Variants in FDPS observed in about 807,000 individuals in gnomAD.
FDPS encodes farnesyl diphosphate synthase, also known as farnesyl pyrophosphate synthase.
In FDPS, 29 loss-of-function variants were observed where a neutral mutation model predicts 49.5. The observed-to-expected ratio is 0.59, with a 90% CI of 0.44 to 0.80. The LOEUF is 0.80. Ranked by LOEUF, FDPS falls within the 30% of genes least tolerant of loss-of-function variation. FDPS has a pLI of 0.00. For synonymous variants in FDPS, 172 were observed against 206.4 expected (o/e 0.83, Z 1.43); for missense variants, 414 against 525.6 (o/e 0.79, Z 2.08).
Position 155,319,568 on chromosome 1 carries a change from G to A in FDPS, c.847-43G>A, listed in dbSNP as rs372249216. 57 of 1,604,244 alleles carry A rather than the reference G, an allele frequency of 3.6e-5. 1 individual carries two copies. Among genetic ancestry groups the A allele is most frequent in the East Asian group, 2.9e-4 (13 of 44,834 alleles). On this transcript the variant is annotated intron_variant, in intron 8 of 10. Transcript: ENST00000368356. ...GGGAGGAAGCAGCCAGGAAGATGCC[G>A]GCACCCCTGGGGTTTGGCTTATTAA...
Position 155,309,844 on chromosome 1 carries a change from T to C in FDPS, c.55T>C (p.Tyr19His), listed in dbSNP as rs1648593992. The change falls in exon 2 of 11, where the codon TAC (tyrosine) becomes CAC (histidine). Residue 19 changes from tyrosine to histidine, a missense_variant. Physicochemically the swap from Tyr to His is moderately conservative, Grantham distance 83 (BLOSUM62 2). Transcript: ENST00000368356. ...GGGGGTCTTCCTGCTGCCAGCCCCC[T>C]ACTGGGCACCCCGGGAGAGGTGGCT... is the stretch of plus-strand genomic sequence containing the variant. ...SVGVFLLPAP[Y>H]WAPRERWLGS... is the part of the protein sequence containing the mutation. The C allele has an allele frequency of 1.3e-6, 2 of 1,583,994 alleles. No homozygotes were observed. The highest frequency in any genetic ancestry group is 1.8e-5 in the Admixed American group (1 of 56,092).
At chr1:155,315,507 G>A (rs1274829603) in intron 4 of FDPS, among the ~76,000 whole-genome samples, 3 of 151,994 alleles carry the variant, frequency 2.0e-5, no homozygotes, top group Admixed American at 2.0e-4. Context: ...GTGAAACCCC[G>A]TCTCTACTAA....
chr1:155,318,337 C>A lies in FDPS; in HGVS notation c.684+46C>A. ...GATGCCCAGAGGGTGCCCATGGTAGCCTTGGCCTCTATAGGACATGCTCAT... is the reference window on the plus strand; with the variant it reads ...GATGCCCAGAGGGTGCCCATGGTAGACTTGGCCTCTATAGGACATGCTCAT... On this transcript the variant is annotated intron_variant, in intron 6 of 10. Coordinates refer to ENST00000368356, the MANE Select transcript of FDPS (RefSeq NM_002004.4). This position sits in a 1 kb window ranked among gnomAD's most constrained non-coding sequence, Gnocchi z 4.2. 1 of 1,602,850 alleles carries A rather than the reference C, an allele frequency of 6.2e-7. No homozygotes were observed. Among genetic ancestry groups the A allele is most frequent in the Non-Finnish European group, 8.5e-7 (1 of 1,179,360 alleles).
At chr1:155,317,376 T>C (rs1400384117) in intron 4 of FDPS, 1 of 152,992 alleles carries the variant, frequency 6.5e-6, no homozygotes, top group East Asian at 1.9e-4. Flanking sequence ...TCATTAGAGA[T>C]GTCAAAGATC....
Position 155,312,581 on chromosome 1 carries a change from T to C in FDPS, c.480+186T>C, listed in dbSNP as rs534532668. On this transcript the variant is annotated intron_variant, in intron 4 of 10. Coordinates refer to ENST00000368356, the MANE Select transcript of FDPS (RefSeq NM_002004.4). ...CTAATGTGGGGAGCCTCTTTTGGCA[T>C]TAGGTATGAAGATGGCTGTAGATAG... 231 of 627,900 alleles carry C rather than the reference T, an allele frequency of 3.7e-4. 2 individuals are homozygous for C. The South Asian group carries it at 4.2e-3, about 11-fold the overall frequency. The allele number at this position is 627,900 out of a possible 1,614,324, so 38.9% of individuals were successfully genotyped here.
intron 4 of FDPS, among the ~76,000 whole-genome samples, chr1:155,315,879 A>C (rs866273723): frequency 6.7e-6 from 1 of 149,222 alleles, no homozygotes; most frequent in South Asian, 2.1e-4. Context: ...AAAAAAAAAA[A>C]ACACACAAAC....
chr1:155,310,175 G>A lies in FDPS; in HGVS notation c.309G>A (p.Glu103=). ...VLTEDEMGHP[E]IGDAIARLKE... Reference sequence around the variant, plus strand: ...CTGAGGATGAGATGGGGCACCCAGAGATAGGAGATGCTATTGCCCGGCTCA... The same window carrying A: ...CTGAGGATGAGATGGGGCACCCAGAAATAGGAGATGCTATTGCCCGGCTCA... Residue 103 remains glutamate (E), a synonymous_variant, in exon 3 of 11, where the codon GAG becomes GAA. Transcript: ENST00000368356. 1 of 1,613,956 alleles carries A rather than the reference G, an allele frequency of 6.2e-7. No homozygotes were observed. The highest frequency in any genetic ancestry group is 8.5e-7 in the Non-Finnish European group (1 of 1,179,870).
chr1:155,320,599 G>C lies in FDPS; in HGVS notation c.1250G>C (p.Arg417Pro), dbSNP rs1440946915. The change falls in exon 11 of 11, where the codon CGG (arginine) becomes CCG (proline). Residue 417 changes from arginine to proline, a missense_variant. Physicochemically the swap from Arg to Pro is moderately radical, Grantham distance 103. Coordinates refer to ENST00000368356, the MANE Select transcript of FDPS (RefSeq NM_002004.4). ...FLGLARKIYK[R>P]RK is the part of the protein sequence containing the mutation. ...GGGCTTGCGCGCAAAATCTACAAGC[G>C]GAGAAAGTGACCTAGAGATTGCAAG... 1 of 1,614,166 alleles carries C rather than the reference G, an allele frequency of 6.2e-7. No homozygotes were observed. Among genetic ancestry groups the C allele is most frequent in the Admixed American group, 1.7e-5 (1 of 60,030 alleles).
At chr1:155,313,591 C>T (rs1036976644) in intron 4 of FDPS, among the ~76,000 whole-genome samples, 8 of 151,972 alleles carry the variant, frequency 5.3e-5, no homozygotes, top group African/African-American at 1.7e-4. Flanking sequence ...TGGAACTTGT[C>T]GGGGAGATGG....
Position 155,310,096 on chromosome 1 carries a change from C to A in FDPS, c.230C>A (p.Ala77Asp), listed in dbSNP as rs762294643. The A allele has an allele frequency of 9.3e-6, 15 of 1,613,876 alleles. No homozygotes were observed. The highest frequency in any genetic ancestry group is 1.3e-5 in the African/African-American group (1 of 74,900). ...GGAGACCAGAATTCAGATGTTTATG[C>A]CCAAGAAAAGCAGGATTTCGTTCAG... Reference protein sequence around the residue: ...MNGDQNSDVYAQEKQDFVQHF... With the variant: ...MNGDQNSDVYDQEKQDFVQHF... Residue 77 changes from alanine to aspartate, a missense_variant, in exon 3 of 11, where the codon GCC (alanine) becomes GAC (aspartate). By Grantham distance (126) the Ala-to-Asp change is moderately radical. Coordinates refer to ENST00000368356, the MANE Select transcript of FDPS (RefSeq NM_002004.4).
At chr1:155,312,109 A>T (rs1365232280) in intron 3 of FDPS, 146 bp from the exon 4 acceptor site, 1 of 873,450 alleles carries the variant, frequency 1.1e-6, no homozygotes, top group Non-Finnish European at 1.8e-6. Flanking sequence ...TAAAGACAGT[A>T]GCAATTCCAG....
In FDPS at chr1:155,308,919, T is replaced by C. The variant is rs549415594; in HGVS notation, c.-48T>C. 1.6e-3 allele frequency: 273 copies of C among 167,218 alleles called. No homozygotes were observed. Among genetic ancestry groups the C allele is most frequent in the African/African-American group, 6.3e-3 (265 of 41,760 alleles). The allele number at this position is 167,218 out of a possible 1,614,324, so 10.4% of individuals were successfully genotyped here. A position where few individuals can be genotyped will look rare whatever the true frequency, so the allele number is the denominator to read the frequency against. Reference sequence around the variant, plus strand: ...GCGGAGCGGATTCTGCTTTTAGGAGTACCCGCCAACAAGCGGGACCGAGCA... The same window carrying C: ...GCGGAGCGGATTCTGCTTTTAGGAGCACCCGCCAACAAGCGGGACCGAGCA... On this transcript the variant is annotated 5_prime_UTR_variant, in exon 1 of 11. Coordinates refer to ENST00000368356, the MANE Select transcript of FDPS (RefSeq NM_002004.4).
intron 4 of FDPS, chr1:155,317,483 T>C (rs1287554141): frequency 6.3e-6 from 1 of 157,604 alleles, no homozygotes; most frequent in Non-Finnish European, 1.4e-5. Flanking sequence ...CAAGTCTCCA[T>C]AGCACAGAAG....
rs548554566 is a variant in FDPS at position 155,318,813 on chromosome 1, G to A, written c.774-43G>A. On this transcript the variant is annotated intron_variant, in intron 7 of 10. Coordinates refer to ENST00000368356, the MANE Select transcript of FDPS (RefSeq NM_002004.4). The surrounding 1 kb of genome is among the most constrained non-coding windows in gnomAD (Gnocchi z 4.2). ...TGGACAGCGAGGGAGGGCTCAGGAT[G>A]TGCATTGCCCTCCTGAGGAGTTTCT... 137 of 1,582,668 alleles carry A rather than the reference G, an allele frequency of 8.7e-5. 1 individual carries two copies. The South Asian group carries it at 1.5e-3, about 17-fold the overall frequency.
rs1236970646 is a variant in FDPS at position 155,319,812 on chromosome 1, T to G, written c.943T>G (p.Phe315Val). 6.2e-7 allele frequency: 1 copy of G among 1,614,136 alleles called. No homozygotes were observed. Among genetic ancestry groups the G allele is most frequent in the Admixed American group, 1.7e-5 (1 of 60,006 alleles). ...FQIQDDYLDLFGDPSVTGKIG... is the reference protein window; with the variant it reads ...FQIQDDYLDLVGDPSVTGKIG... The stretch of plus-strand genomic sequence containing the variant: ...TGCCCAGGATGATTACCTTGACCTC[T>G]TTGGGGACCCCAGTGTGACCGGCAA... The change falls in exon 10 of 11, where the codon TTT becomes GTT. Residue 315 changes from phenylalanine (F) to valine (V), a missense_variant. Phe to Val is a conservative substitution (Grantham distance 50). Coordinates refer to ENST00000368356, the MANE Select transcript of FDPS (RefSeq NM_002004.4).
chr1:155,320,433 G>A lies in FDPS; in HGVS notation c.1084G>A (p.Glu362Lys). The A allele has an allele frequency of 6.2e-7, 1 of 1,613,572 alleles. No homozygotes were observed. The highest frequency in any genetic ancestry group is 8.5e-7 in the Non-Finnish European group (1 of 1,179,976). ...LKENYGQKEA[E>K]KVARVKALYE... ...GGAAAATTACGGGCAGAAGGAGGCT[G>A]AGAAAGTGGCCCGGGTGAAGGCGCT... Residue 362 changes from glutamate (E) to lysine (K), a missense_variant, in exon 11 of 11, where the codon GAG becomes AAG. Coordinates refer to ENST00000368356, the MANE Select transcript of FDPS (RefSeq NM_002004.4).
intron 1 of FDPS, 89 bp downstream of exon 1, chr1:155,309,054 A>G (rs2148228630): frequency 6.6e-6 from 1 of 152,564 alleles, no homozygotes; most frequent in Admixed American, 6.5e-5. Context: ...TCGGAAGGCC[A>G]GCCTGTTGTG....
chr1:155,314,893 C>T (rs1435994230), intron 4 of FDPS, among the ~76,000 whole-genome samples: 1 of 151,938 alleles, frequency 6.6e-6, no homozygotes, highest in Non-Finnish European at 1.5e-5. Flanking sequence ...ATCTTGGAGA[C>T]CATCATGGTT....
At chr1:155,320,384 T>C in intron 10 of FDPS, 25 bp from the exon 11 acceptor site, 2 of 1,602,782 alleles carry the variant, frequency 1.2e-6, no homozygotes, top group Non-Finnish European at 1.7e-6. Context: ...CCAAGCCCGT[T>C]TTCCTGTCTT....
Sources: gnomAD v4.1 joint callset for allele counts (sites outside exome capture counted in the v4.1 genomes callset) on GRCh38, gnomAD v4.1.1 for gene constraint, Gnocchi (gnomAD v3.1) non-coding constraint, MANE v1.5 for transcripts, NCBI Gene and HGNC (gene_info 2026-07-23, HGNC 2026-07-21) for gene names.